MACROD2: variants seen among roughly 807,000 people sequenced by gnomAD.
MACROD2 encodes mono-ADP ribosylhydrolase 2, also known as ADP-ribose glycohydrolase MACROD2.
A neutral mutation model predicts 70.4 loss-of-function variants in MACROD2; 36 were observed. The observed-to-expected ratio is 0.51, with a 90% CI of 0.39 to 0.68. The LOEUF is 0.68. Ranked by LOEUF, MACROD2 falls within the 30% of genes least tolerant of loss-of-function variation. MACROD2 has a pLI of 0.00. For synonymous variants in MACROD2, 172 were observed against 178.8 expected, an observed-to-expected ratio of 0.96 and a Z score of 0.30; for missense variants, 496 against 538.4, an observed-to-expected ratio of 0.92 and a Z score of 0.78.
intron 6 of MACROD2, among the ~76,000 whole-genome samples, chr20:15,312,177 G>A (rs1283103077): frequency 6.6e-6 from 1 of 152,160 alleles, no homozygotes; most frequent in African/African-American, 2.4e-5. Context: ...AAAACTACTT[G>A]TAGGAATTTA....
At chr20:16,006,786 A>G (rs2066794735) in intron 15 of MACROD2, among the ~76,000 whole-genome samples, 1 of 152,152 alleles carries the variant, frequency 6.6e-6, no homozygotes, top group South Asian at 2.1e-4. Context: ...CTAGTTTCTC[A>G]TTACCAAGAC....
intron 13 of MACROD2, among the ~76,000 whole-genome samples, chr20:15,974,678 G>A (rs1302636489): frequency 6.6e-6 from 1 of 152,084 alleles, no homozygotes; most frequent in Non-Finnish European, 1.5e-5. Flanking sequence ...ACTTCAGTAG[G>A]AGTTACATGG....
chr20:14,665,151 T>A (rs988494124), intron 4 of MACROD2, among the ~76,000 whole-genome samples: 1 of 152,140 alleles, frequency 6.6e-6, no homozygotes, highest in African/African-American at 2.4e-5. Flanking sequence ...TCTTTCTGTT[T>A]CTATCTACAA....
At chr20:14,588,507 T>TC (rs1981538949) in intron 4 of MACROD2, among the ~76,000 whole-genome samples, 1 of 152,218 alleles carries the variant, frequency 6.6e-6, no homozygotes, top group Non-Finnish European at 1.5e-5. Flanking sequence ...TTTCTTTTTT[T>TC]CTCTGTCTGG....
chr20:15,182,101 G>A (rs2076504900), intron 5 of MACROD2, among the ~76,000 whole-genome samples: 1 of 152,160 alleles, frequency 6.6e-6, no homozygotes, highest in Non-Finnish European at 1.5e-5. Context: ...GTTAGCAAAA[G>A]AACAGACCCT....
intron 14 of MACROD2, 93 bp downstream of exon 14, chr20:15,986,894 G>A: frequency 9.4e-7 from 1 of 1,067,770 alleles, no homozygotes; most frequent in Non-Finnish European, 1.4e-6. Context: ...TGGTGTGTGT[G>A]TGTGTTTTAG....
At chr20:16,018,545 C>T (rs2066960752) in intron 15 of MACROD2, among the ~76,000 whole-genome samples, 1 of 152,126 alleles carries the variant, frequency 6.6e-6, no homozygotes, top group Non-Finnish European at 1.5e-5. Context: ...GGGAAATCTC[C>T]TAACCTTCCA....
chr20:15,398,126 A>G (rs1360942351), intron 6 of MACROD2, among the ~76,000 whole-genome samples: 2 of 152,222 alleles, frequency 1.3e-5, no homozygotes, highest in African/African-American at 4.8e-5. Context: ...CTTTGGAACT[A>G]CATGAGGAAG....
chr20:15,165,888 G>A (rs921727478), intron 5 of MACROD2, among the ~76,000 whole-genome samples: 1 of 152,014 alleles, frequency 6.6e-6, no homozygotes, highest in Non-Finnish European at 1.5e-5. Flanking sequence ...CAGTCCAAAT[G>A]TCTATCAATC....
intron 1 of MACROD2, among the ~76,000 whole-genome samples, chr20:14,001,619 T>G (rs912229913): frequency 3.3e-5 from 5 of 151,964 alleles, no homozygotes; most frequent in African/African-American, 1.2e-4. Flanking sequence ...AAAAAAGACG[T>G]TTAATAGACT....
intron 8 of MACROD2, among the ~76,000 whole-genome samples, chr20:15,674,687 T>C (rs1185436794): frequency 6.6e-6 from 1 of 152,078 alleles, no homozygotes; most frequent in Non-Finnish European, 1.5e-5. Flanking sequence ...TGGTAGGCAT[T>C]TTACACATAT....
chr20:14,008,068 A>T (rs1217762154), intron 2 of MACROD2, among the ~76,000 whole-genome samples: 4 of 152,200 alleles, frequency 2.6e-5, no homozygotes, highest in Admixed American at 2.6e-4. Context: ...ACACAAGACA[A>T]AGATGGCCTC....
chr20:14,980,501 A>G (rs1482575510), intron 5 of MACROD2, among the ~76,000 whole-genome samples: 1 of 152,208 alleles, frequency 6.6e-6, no homozygotes, highest in Non-Finnish European at 1.5e-5. Context: ...TTCCATTACA[A>G]ACAACAGAAA....
chr20:15,099,043 T>G (rs1246138387), intron 5 of MACROD2, among the ~76,000 whole-genome samples: 1 of 152,210 alleles, frequency 6.6e-6, no homozygotes, highest in Non-Finnish European at 1.5e-5. Flanking sequence ...TGCCTGTACT[T>G]TAACCAGATT....
chr20:15,416,243 CTT>C (rs1228890870), intron 6 of MACROD2, among the ~76,000 whole-genome samples: 1 of 152,198 alleles, frequency 6.6e-6, no homozygotes, highest in African/African-American at 2.4e-5. Flanking sequence ...CAATTTTTAA[CTT>C]GGGAAATATG....
chr20:14,009,825 C>T (rs1368666002), intron 2 of MACROD2, among the ~76,000 whole-genome samples: 1 of 152,110 alleles, frequency 6.6e-6, no homozygotes, highest in African/African-American at 2.4e-5. Flanking sequence ...TGCAGGGACC[C>T]GGATGGAGCT....
intron 6 of MACROD2, among the ~76,000 whole-genome samples, chr20:15,377,254 T>C (rs1047987331): frequency 2.0e-5 from 3 of 152,110 alleles, no homozygotes; most frequent in Non-Finnish European, 4.4e-5. Flanking sequence ...AAAACTCATT[T>C]CTATTAGAAA....
At chr20:15,215,322 T>C (rs978079706) in intron 5 of MACROD2, among the ~76,000 whole-genome samples, 13 of 151,038 alleles carry the variant, frequency 8.6e-5, no homozygotes, top group Non-Finnish European at 1.8e-4. Context: ...AGCATATGCT[T>C]TTTTATCATG....
chr20:15,010,454 G>A (rs570289633), intron 5 of MACROD2, among the ~76,000 whole-genome samples: 1 of 152,142 alleles, frequency 6.6e-6, no homozygotes, highest in African/African-American at 2.4e-5. Flanking sequence ...GCCGTGGTAG[G>A]CACTCCTAAA....
Sources: allele counts gnomAD v4.1 joint callset (sites outside exome capture counted in the v4.1 genomes callset), GRCh38; gene constraint gnomAD v4.1.1; transcripts MANE v1.5; gene names NCBI Gene and HGNC (gene_info 2026-07-23, HGNC 2026-07-21).